The following STAT4 variants were observed in gnomAD, a reference collection of about 807,000 sequenced individuals.
STAT4 encodes the protein signal transducer and activator of transcription 4.
A neutral mutation model predicts 110.5 loss-of-function variants in STAT4; 42 were observed. That is an observed-to-expected ratio of 0.38 (90% CI 0.30 to 0.49). The LOEUF (loss-of-function observed/expected upper bound fraction) is 0.49, where lower values mean the gene tolerates loss of function less well. Ranked by LOEUF, STAT4 falls within the 20% of genes least tolerant of loss-of-function variation. STAT4 has a pLI of 0.95. For synonymous variants in STAT4, 284 were observed against 302.2 expected (o/e 0.94, Z 0.63); for missense variants, 632 against 887.9 (o/e 0.71, Z 3.66).
rs1236035617 is a variant in STAT4 at position 191,142,299 on chromosome 2, C to T, written c.273+4314G>A. ...GGCCATAAAAAGAATAAAATCATGT[C>T]ATTTGCAGCAACACGGATCGTACAA... On this transcript the variant is annotated intron_variant, in intron 3 of 23. Transcript: ENST00000392320. The surrounding 1 kb of genome is among the most constrained non-coding windows in gnomAD (Gnocchi z 4.1). Among the ~76,000 whole-genome samples, 2 of 152,010 alleles carry T rather than the reference C, an allele frequency of 1.3e-5. No homozygotes were observed. The highest frequency in any genetic ancestry group is 2.9e-5 in the Non-Finnish European group (2 of 67,984).
chr2:191,121,805 C>T (rs939984679), intron 3 of STAT4: 6 of 150,732 alleles, frequency 4.0e-5, no homozygotes, highest in Non-Finnish European at 4.4e-5. Flanking sequence ...GGAGGGAAAG[C>T]ATTAGGAGAT....
intron 3 of STAT4, among the ~76,000 whole-genome samples, chr2:191,137,635 A>G (rs1296743933): frequency 6.6e-6 from 1 of 152,236 alleles, no homozygotes; most frequent in Non-Finnish European, 1.5e-5. Context: ...AGACTATAGT[A>G]ACCAAAACAG....
chr2:191,127,776 C>A (rs911656199), intron 3 of STAT4, among the ~76,000 whole-genome samples: 1 of 152,086 alleles, frequency 6.6e-6, no homozygotes, highest in Admixed American at 6.6e-5. Flanking sequence ...ATAAAGAAGC[C>A]CCATACTCTG....
chr2:191,148,498 A>G (rs1699512401), intron 1 of STAT4, among the ~76,000 whole-genome samples: 1 of 151,966 alleles, frequency 6.6e-6, no homozygotes, highest in Non-Finnish European at 1.5e-5. Context: ...ACAGCTGTCT[A>G]TGTGAATTTC....
Position 191,033,994 on chromosome 2 carries a change from A to G in STAT4, c.1632T>C (p.Pro544=). The stretch of plus-strand genomic sequence containing the variant: ...ATGTCCAAAAGGTAAATGATTTACC[A>G]GGTAAATGTTCCTACAGGAATAGAC... ...TWAKFCKEHL[P]GKSFTFWTWL... The change falls in exon 19 of 24, where the codon CCT becomes CCC. Residue 544 remains proline (P), a synonymous_variant. Transcript: ENST00000392320. The surrounding 1 kb of genome is among the most constrained non-coding windows in gnomAD (Gnocchi z 6.9). 1 of 1,604,680 alleles carries G rather than the reference A, an allele frequency of 6.2e-7. No individual in the cohort carries two copies. The highest frequency in any genetic ancestry group is 1.1e-5 in the South Asian group (1 of 89,632).
At chr2:191,087,436 G>T (rs935035560) in intron 3 of STAT4, among the ~76,000 whole-genome samples, 5 of 152,124 alleles carry the variant, frequency 3.3e-5, no homozygotes, top group Non-Finnish European at 1.5e-5. Flanking sequence ...AAGTGGCCTT[G>T]CAAAGCTCTT....
intron 3 of STAT4, among the ~76,000 whole-genome samples, chr2:191,115,590 C>A (rs1398557033): frequency 6.6e-6 from 1 of 152,200 alleles, no homozygotes; most frequent in Non-Finnish European, 1.5e-5. Context: ...TCAGATTCTG[C>A]AAAAGCTGAC....
intron 3 of STAT4, among the ~76,000 whole-genome samples, chr2:191,079,055 C>CAAGT (rs1281116147): frequency 1.3e-5 from 2 of 152,026 alleles, no homozygotes; most frequent in African/African-American, 4.8e-5. Flanking sequence ...TGTCATAAAT[C>CAAGT]AAGTGTTCCT....
chr2:191,089,073 C>T (rs945170393), intron 3 of STAT4, among the ~76,000 whole-genome samples: 9 of 152,032 alleles, frequency 5.9e-5, no homozygotes, highest in Non-Finnish European at 1.0e-4. Context: ...ATTCATGAAA[C>T]GACAGATTGA....
intron 3 of STAT4, among the ~76,000 whole-genome samples, chr2:191,100,492 A>G (rs1050996783): frequency 6.6e-6 from 1 of 152,162 alleles, no homozygotes; most frequent in African/African-American, 2.4e-5. Context: ...TGTCATGTTT[A>G]TATTTAAAAT....
At chr2:191,105,231 G>A (rs1165059638) in intron 3 of STAT4, among the ~76,000 whole-genome samples, 1 of 152,170 alleles carries the variant, frequency 6.6e-6, no homozygotes, top group African/African-American at 2.4e-5. Flanking sequence ...TTGCTCACCA[G>A]AAGGTTACTC....
At position 191,140,367 on chromosome 2, in the gene STAT4, A is replaced by G. The variant is rs944126270; in HGVS notation, c.273+6246T>C. Among the ~76,000 whole-genome samples the G allele has an allele frequency of 3.9e-5, 6 of 152,268 alleles. No individual in the cohort carries two copies. The highest frequency in any genetic ancestry group is 8.8e-5 in the Non-Finnish European group (6 of 68,046). ...TGTATCTGACAAAGGACTAATATCC[A>G]TAATCTGCAAGGAACTCAAACAAAT... On this transcript the variant is annotated intron_variant, in intron 3 of 23. Coordinates refer to ENST00000392320, the MANE Select transcript of STAT4 (RefSeq NM_003151.4). This position sits in a 1 kb window ranked among gnomAD's most constrained non-coding sequence, Gnocchi z 4.4.
chr2:191,084,824 G>A (rs1697590437), intron 3 of STAT4, among the ~76,000 whole-genome samples: 1 of 151,790 alleles, frequency 6.6e-6, no homozygotes, highest in Non-Finnish European at 1.5e-5. Context: ...GATTTTCTTG[G>A]AGCACTGATC....
intron 3 of STAT4, among the ~76,000 whole-genome samples, chr2:191,101,428 CTATTT>C (rs1284649597): frequency 7.2e-5 from 11 of 152,068 alleles, no homozygotes; most frequent in Non-Finnish European, 1.6e-4. Context: ...TTCGACAACA[CTATTT>C]TATTTTATTT....
intron 3 of STAT4, among the ~76,000 whole-genome samples, chr2:191,089,746 A>G (rs1285420075): frequency 1.3e-5 from 2 of 152,256 alleles, no homozygotes; most frequent in East Asian, 3.8e-4. Context: ...CTATCAAGTC[A>G]GGAAAAGATA....
In STAT4 at chr2:191,058,098, C is replaced by CA. The variant is rs763732068; in HGVS notation, c.1125dup (p.Val376CysfsTer6). On this transcript the variant is annotated frameshift_variant, in exon 13 of 24. Coordinates refer to ENST00000392320, the MANE Select transcript of STAT4 (RefSeq NM_003151.4). LOFTEE classifies it high-confidence loss of function. The surrounding 1 kb of genome is among the most constrained non-coding windows in gnomAD (Gnocchi z 4.3). ...GCTTTGACATTAGTTCCACAAAGTA[C>CA]AAATCTTCGGTTGCTGGAGAGGAAA... 1 of 1,613,920 alleles carries CA rather than the reference C, an allele frequency of 6.2e-7. No homozygotes were observed. Among genetic ancestry groups the CA allele is most frequent in the East Asian group, 2.2e-5 (1 of 44,836 alleles).
At chr2:191,139,941 A>G (rs1699277864) in intron 3 of STAT4, among the ~76,000 whole-genome samples, 1 of 152,242 alleles carries the variant, frequency 6.6e-6, no homozygotes, top group South Asian at 2.1e-4. Context: ...GAACCCAGAA[A>G]CAAAGGCAAA....
Position 191,126,871 on chromosome 2 carries a change from G to A in STAT4, c.273+19742C>T, listed in dbSNP as rs533998240. Among the ~76,000 whole-genome samples the A allele has an allele frequency of 2.0e-5, 3 of 152,298 alleles. 1 individual carries two copies. The South Asian group carries it at 6.2e-4, about 32-fold the overall frequency. ...TTCTGGCTCTGTCATCCAGGCTGGA[G>A]TACAGTGGCATGATCACGGGTCACT... On this transcript the variant is annotated intron_variant, in intron 3 of 23. Transcript: ENST00000392320.
rs1001394304 is a variant in STAT4 at position 191,150,244 on chromosome 2, T to C, written c.-2+703A>G. On this transcript the variant is annotated intron_variant, in intron 1 of 23. Coordinates refer to ENST00000392320, the MANE Select transcript of STAT4 (RefSeq NM_003151.4). The surrounding 1 kb of genome is among the most constrained non-coding windows in gnomAD (Gnocchi z 6.4). ...AGCTGAAAAAAGGAAGAAGAAGGAA[T>C]ACATAGTCCTAGGACATTTTCTATT... Among the ~76,000 whole-genome samples the C allele has an allele frequency of 2.6e-5, 4 of 152,084 alleles. No individual in the cohort carries two copies. The highest frequency in any genetic ancestry group is 9.7e-5 in the African/African-American group (4 of 41,418).
Sources: allele counts gnomAD v4.1 joint callset (sites outside exome capture counted in the v4.1 genomes callset), GRCh38; gene constraint gnomAD v4.1.1; non-coding constraint Gnocchi (gnomAD v3.1); transcripts MANE v1.5; gene names NCBI Gene and HGNC (gene_info 2026-07-23, HGNC 2026-07-21).